Variants in ZNF879 observed in about 807,000 individuals in gnomAD.
ZNF879 encodes the protein zinc finger protein 879.
A neutral mutation model predicts 44.3 loss-of-function variants in ZNF879; 32 were observed. The ratio of observed to expected loss-of-function variants is 0.72; its 90% CI spans 0.54 to 0.97. The LOEUF (loss-of-function observed/expected upper bound fraction) is 0.97. ZNF879 is among the 50% of genes least tolerant of loss of function. ZNF879 has a pLI of 0.00. For synonymous variants in ZNF879, 234 were observed against 233.2 expected (o/e 1.00, Z -0.03); for missense variants, 621 against 669.7 (o/e 0.93, Z 0.80).
rs891598165 is a variant in ZNF879, at chr5:179,034,913, A to G, written c.*1273A>G. On this transcript the variant is annotated 3_prime_UTR_variant, in exon 5 of 5. Coordinates refer to ENST00000444149, the MANE Select transcript of ZNF879 (RefSeq NM_001136116.3). ...TTTTTCTGCCAAGGAACTTTAAAAA[A>G]TAGAAAACTGGCTGGGTGCAGTGGC... 1 of 152,200 alleles carries G rather than the reference A, an allele frequency of 6.6e-6. No individual in the cohort carries two copies. Among genetic ancestry groups the G allele is most frequent in the African/African-American group, 2.4e-5 (1 of 41,456 alleles). 9.4% of individuals were successfully genotyped at this position (152,200 alleles called of 1,614,324 possible).
chr5:179,025,079 T>C, intron 2 of ZNF879, 42 bp downstream of exon 2: 6 of 1,549,972 alleles, frequency 3.9e-6, no homozygotes, highest in Non-Finnish European at 5.2e-6. Context: ...CTTCAGGGTC[T>C]AGACGTGGTA....
rs149229086 is a variant in ZNF879 at position 179,033,751 on chromosome 5, C to T, written c.*111C>T. 1.6e-5 allele frequency: 12 copies of T among 761,840 alleles called. No homozygotes were observed. Among genetic ancestry groups the T allele is most frequent in the East Asian group, 2.7e-5 (1 of 36,392 alleles). 47.2% of individuals were successfully genotyped at this position (761,840 alleles called of 1,614,324 possible). A position where few individuals can be genotyped will look rare whatever the true frequency, so the allele number is the denominator to read the frequency against. Reference sequence around the variant, plus strand: ...GAGTAGTTAATCATAGGTAAAACTTCAGCATTAGACCTCATCACACATCAG... The same window carrying T: ...GAGTAGTTAATCATAGGTAAAACTTTAGCATTAGACCTCATCACACATCAG... On this transcript the variant is annotated 3_prime_UTR_variant, in exon 5 of 5. Transcript: ENST00000444149.
chr5:179,034,282 A>T lies in ZNF879; in HGVS notation c.*642A>T, dbSNP rs1442053068. 1 of 149,522 alleles carries T rather than the reference A, an allele frequency of 6.7e-6. No homozygotes were observed. The highest frequency in any genetic ancestry group is 2.1e-4 in the South Asian group (1 of 4,834). The allele number at this position is 149,522 out of a possible 1,614,324, so 9.3% of individuals were successfully genotyped here. On this transcript the variant is annotated 3_prime_UTR_variant, in exon 5 of 5. Transcript: ENST00000444149. Reference sequence around the variant, plus strand: ...TGTTCCAAACTCTGAGTCAGATCTAAAGTCACTTTAAGTCACAGAACGCAT... The same window carrying T: ...TGTTCCAAACTCTGAGTCAGATCTATAGTCACTTTAAGTCACAGAACGCAT...
chr5:179,029,415 T>C (rs1761363288), intron 4 of ZNF879, among the ~76,000 whole-genome samples: 1 of 152,120 alleles, frequency 6.6e-6, no homozygotes, highest in South Asian at 2.1e-4. Context: ...CCACCAACAA[T>C]GTGAGGCAAT....
At chr5:179,025,838 A>G (rs561104695) in intron 2 of ZNF879, among the ~76,000 whole-genome samples, 205 of 151,114 alleles carry the variant, frequency 1.4e-3, no homozygotes, top group African/African-American at 4.7e-3. Context: ...AATCACTTGA[A>G]CCCGGGAGGC....
In ZNF879 at chr5:179,033,879, G is replaced by C. The variant is rs1444161015; in HGVS notation, c.*239G>C. On this transcript the variant is annotated 3_prime_UTR_variant, in exon 5 of 5. Transcript: ENST00000444149. ...TTACCATGAAATGGAGAATTTTTAA[G>C]ATTGCAGGGTTAGTATTTGATTGTC... The C allele has an allele frequency of 2.7e-5, 10 of 367,352 alleles. No individual in the cohort carries two copies. In the East Asian group the frequency reaches 4.4e-4, roughly 16 times the overall value. 22.8% of individuals were successfully genotyped at this position (367,352 alleles called of 1,614,324 possible).
chr5:179,024,105 C>G lies in ZNF879; in HGVS notation c.-36+201C>G, dbSNP rs998860184. On this transcript the variant is annotated intron_variant, in intron 1 of 4. Transcript: ENST00000444149. Reference sequence around the variant, plus strand: ...AGGCCGGGAGGGCGCTTCGACGCCGCTGGACTCCTGGGCCGCAGCCTGGGC... The same window carrying G: ...AGGCCGGGAGGGCGCTTCGACGCCGGTGGACTCCTGGGCCGCAGCCTGGGC... Among the ~76,000 whole-genome samples the G allele has an allele frequency of 1.1e-4, 17 of 152,264 alleles. No individual in the cohort carries two copies. The South Asian group carries it at 3.5e-3, about 32-fold the overall frequency.
At chr5:179,027,414 C>T in intron 2 of ZNF879, 59 bp from the exon 3 acceptor site, 1 of 1,599,396 alleles carries the variant, frequency 6.3e-7, no homozygotes, top group Non-Finnish European at 8.5e-7. Flanking sequence ...AGGGTTGCTT[C>T]TCAGTCTTCT....
intron 4 of ZNF879, 77 bp downstream of exon 4, chr5:179,028,204 G>GAGACCCTTGAGC: frequency 1.5e-6 from 2 of 1,320,258 alleles, no homozygotes; most frequent in Non-Finnish European, 2.1e-6. Flanking sequence ...TGCGCTCAAG[G>GAGACCCTTGAGC]GTCTCCTTGA....
chr5:179,033,123 G>A lies in ZNF879; in HGVS notation c.1175G>A (p.Arg392Lys). 6.3e-7 allele frequency: 1 copy of A among 1,582,506 alleles called. No individual in the cohort carries two copies. The highest frequency in any genetic ancestry group is 1.4e-5 in the African/African-American group (1 of 73,846). Reference protein sequence around the residue: ...SYHSALIIHQRIHTGEKPYAC... With the variant: ...SYHSALIIHQKIHTGEKPYAC... ...CACTCAGCCCTTATCATACATCAGA[G>A]AATTCACACTGGTGAGAAACCATAT... The change falls in exon 5 of 5, where the codon AGA (arginine) becomes AAA (lysine). Residue 392 changes from arginine (R) to lysine (K), a missense_variant. Arg to Lys is a conservative substitution (Grantham distance 26). Coordinates refer to ENST00000444149, the MANE Select transcript of ZNF879 (RefSeq NM_001136116.3).
In ZNF879 at chr5:179,032,627, A is replaced by C; in HGVS notation, c.679A>C (p.Thr227Pro). 1 of 1,567,628 alleles carries C rather than the reference A, an allele frequency of 6.4e-7. No individual in the cohort carries two copies. The highest frequency in any genetic ancestry group is 8.6e-7 in the Non-Finnish European group (1 of 1,156,296). ...CCTGAGTAAACACCAGAGAATCCAC[A>C]CTGGAGAGAAGCTCTATAAATGTAA... ...SSLSKHQRIHTGEKLYKCKEC... is the reference protein window; with the variant it reads ...SSLSKHQRIHPGEKLYKCKEC... The change falls in exon 5 of 5, where the codon ACT becomes CCT. Residue 227 changes from threonine (T) to proline (P), a missense_variant. Physicochemically the swap from Thr to Pro is conservative, Grantham distance 38. Coordinates refer to ENST00000444149, the MANE Select transcript of ZNF879 (RefSeq NM_001136116.3).
intron 2 of ZNF879, among the ~76,000 whole-genome samples, chr5:179,026,083 C>CAAAAAAAAAAAAAAAAAA (rs1337124096): frequency 1.7e-5 from 1 of 58,086 alleles, no homozygotes; most frequent in Non-Finnish European, 3.9e-5. Flanking sequence ...GACTCCATCT[C>CAAAAAAAAAAAAAAAAAA]AAAAAAAAAA....
chr5:179,032,138 G>T lies in ZNF879; in HGVS notation c.257-67G>T. ...GGCTTTATATTTTTTAACTATCCTT[G>T]TGCGTTTTTATGTCACTTTTTAAAA... On this transcript the variant is annotated intron_variant, in intron 4 of 4. Transcript: ENST00000444149. 5.2e-6 allele frequency: 6 copies of T among 1,158,980 alleles called. No individual in the cohort carries two copies. The South Asian group carries it at 7.0e-5, about 14-fold the overall frequency. 71.8% of individuals were successfully genotyped at this position (1,158,980 alleles called of 1,614,324 possible).
chr5:179,032,366 AAAG>A lies in ZNF879; in HGVS notation c.419_421del (p.Lys140_Val141delinsMet). 6.4e-7 allele frequency: 1 copy of A among 1,551,296 alleles called. No homozygotes were observed. Among genetic ancestry groups the A allele is most frequent in the Non-Finnish European group, 8.7e-7 (1 of 1,146,918 alleles). On this transcript the variant is annotated inframe_deletion, in exon 5 of 5. Coordinates refer to ENST00000444149, the MANE Select transcript of ZNF879 (RefSeq NM_001136116.3). ...AGGCAAAAAGAACAGACTTTTCAGT[AAAG>A]TGTTAGTTACCATCAAAAAAGTCTA...
intron 2 of ZNF879, among the ~76,000 whole-genome samples, chr5:179,026,339 A>G (rs1363864661): frequency 1.3e-5 from 2 of 152,238 alleles, no homozygotes; most frequent in Admixed American, 6.5e-5. Flanking sequence ...ATTTAAATAT[A>G]GAACCATATT....
In ZNF879 at chr5:179,033,134, G is replaced by A. The variant is rs1406011756; in HGVS notation, c.1186G>A (p.Gly396Ser). The A allele has an allele frequency of 1.3e-6, 2 of 1,585,818 alleles. No individual in the cohort carries two copies. The highest frequency in any genetic ancestry group is 1.8e-5 in the Admixed American group (1 of 55,276). The change falls in exon 5 of 5, where the codon GGT becomes AGT. Residue 396 changes from glycine to serine, a missense_variant. Physicochemically the swap from Gly to Ser is moderately conservative, Grantham distance 56 (BLOSUM62 0). Coordinates refer to ENST00000444149, the MANE Select transcript of ZNF879 (RefSeq NM_001136116.3). ...TATCATACATCAGAGAATTCACACT[G>A]GTGAGAAACCATATGCATGCAAAGA... Reference protein sequence around the residue: ...ALIIHQRIHTGEKPYACKECG... With the variant: ...ALIIHQRIHTSEKPYACKECG...
Position 179,033,087 on chromosome 5 carries a change from T to G in ZNF879, c.1139T>G (p.Val380Gly), listed in dbSNP as rs1262538366. ...KPFHCNECGKVFSYHSALIIH... is the reference protein window; with the variant it reads ...KPFHCNECGKGFSYHSALIIH... ...TTTCATTGTAACGAGTGTGGAAAAG[T>G]ATTCAGCTATCACTCAGCCCTTATC... The change falls in exon 5 of 5, where the codon GTA becomes GGA. Residue 380 changes from valine to glycine, a missense_variant. Coordinates refer to ENST00000444149, the MANE Select transcript of ZNF879 (RefSeq NM_001136116.3). 1 of 1,568,334 alleles carries G rather than the reference T, an allele frequency of 6.4e-7. No individual in the cohort carries two copies. Among genetic ancestry groups the G allele is most frequent in the Admixed American group, 1.9e-5 (1 of 52,550 alleles).
chr5:179,025,767 G>A (rs62393079), intron 2 of ZNF879, among the ~76,000 whole-genome samples: 93,435 of 151,934 alleles, frequency 0.61, 29,010 homozygotes, highest in East Asian at 0.84. Context: ...AAATACAGAA[G>A]TTAGCTAGGG....
chr5:179,032,975 C>G lies in ZNF879; in HGVS notation c.1027C>G (p.Pro343Ala). 1.3e-6 allele frequency: 2 copies of G among 1,557,488 alleles called. No individual in the cohort carries two copies. Among genetic ancestry groups the G allele is most frequent in the Middle Eastern group, 1.7e-4 (1 of 6,002 alleles). ...CCACAGAATTCATACTGGGGAGAAACCGTATGAATGTACTCAGTGTGGGAA... is the reference window on the plus strand; with the variant it reads ...CCACAGAATTCATACTGGGGAGAAAGCGTATGAATGTACTCAGTGTGGGAA... ...QHHRIHTGEK[P>A]YECTQCGKAF... The change falls in exon 5 of 5, where the codon CCG (proline) becomes GCG (alanine). Residue 343 changes from proline to alanine, a missense_variant. Pro to Ala is a conservative substitution (Grantham distance 27). Transcript: ENST00000444149.
Sources: gnomAD v4.1 joint callset for allele counts (sites outside exome capture counted in the v4.1 genomes callset) on GRCh38, gnomAD v4.1.1 for gene constraint, MANE v1.5 for transcripts, NCBI Gene and HGNC (gene_info 2026-07-23, HGNC 2026-07-21) for gene names.